The following BRSK1 variants were observed in gnomAD, a reference collection of about 807,000 sequenced individuals.
The protein encoded by BRSK1 is BR serine/threonine kinase 1.
BRSK1 carries 17 observed loss-of-function variants against 86.2 expected under a neutral mutation model. That is an observed-to-expected ratio of 0.20 (90% confidence interval 0.14 to 0.30). The LOEUF (loss-of-function observed/expected upper bound fraction) is 0.30, where lower values mean the gene tolerates loss of function less well. Among genes scored for constraint, BRSK1 ranks in the 10% least tolerant of loss-of-function variants. BRSK1 has a pLI of 1.00. For missense variants in BRSK1, 719 were observed against 1,071.9 expected, an observed-to-expected ratio of 0.67 and a Z score of 4.60; for synonymous variants, 464 against 440.1, an observed-to-expected ratio of 1.05 and a Z score of -0.68.
At chr19:55,296,726 T>C (rs2088493674) in intron 7 of BRSK1, among the ~76,000 whole-genome samples, 1 of 152,076 alleles carries the variant, frequency 6.6e-6, no homozygotes, top group South Asian at 2.1e-4. Context: ...CGGGCGCCTG[T>C]AGTCCCAGCT....
Position 55,310,528 on chromosome 19 carries a change from GC to G in BRSK1, c.2180-1381del, listed in dbSNP as rs1007553966. ...TTGCATGTGGACATCTTTGGAGGGG[GC>G]CGTTATTCAGCCTAGCCCAACCCCC... On this transcript the variant is annotated intron_variant, in intron 18 of 18. Coordinates refer to ENST00000309383, the MANE Select transcript of BRSK1 (RefSeq NM_032430.2). This position sits in a 1 kb window ranked among gnomAD's most constrained non-coding sequence, Gnocchi z 5.0. 1.5e-4 allele frequency among the ~76,000 whole-genome samples: 23 copies of G among 152,246 alleles called. No individual in the cohort carries two copies. Among genetic ancestry groups the G allele is most frequent in the African/African-American group, 5.1e-4 (21 of 41,520 alleles).
rs1289155610 is a variant in BRSK1, at chr19:55,284,369, C to A, written c.-74C>A. ...GGGCCGGGACGGAGCGGTCGCCGGC[C>A]CCCACCGGAGAGACGGGGCGACGGC... On this transcript the variant is annotated 5_prime_UTR_variant, in exon 1 of 19. Transcript: ENST00000309383. The A allele has an allele frequency of 1.1e-6, 1 of 949,074 alleles. No individual in the cohort carries two copies. The highest frequency in any genetic ancestry group is 1.4e-6 in the Non-Finnish European group (1 of 735,556). The allele number at this position is 949,074 out of a possible 1,614,324, so 58.8% of individuals were successfully genotyped here. A position where few individuals can be genotyped will look rare whatever the true frequency, so the allele number is the denominator to read the frequency against.
In BRSK1 at chr19:55,302,499, G is replaced by C. The variant is rs573743119; in HGVS notation, c.858-198G>C. On this transcript the variant is annotated intron_variant, in intron 9 of 18. Coordinates refer to ENST00000309383, the MANE Select transcript of BRSK1 (RefSeq NM_032430.2). This position sits in a 1 kb window ranked among gnomAD's most constrained non-coding sequence, Gnocchi z 6.3. ...GGCCGGGGGCCTGGACCCCTCGGTC[G>C]GAGGGAAAAGGGGCTGGAGGTCTGG... is the stretch of plus-strand genomic sequence containing the variant. The C allele has an allele frequency of 5.8e-4, 406 of 699,192 alleles. 5 individuals are homozygous for C. The South Asian group carries it at 7.4e-3, about 13-fold the overall frequency. The allele number at this position is 699,192 out of a possible 1,614,324, so 43.3% of individuals were successfully genotyped here. A position where few individuals can be genotyped will look rare whatever the true frequency, so the allele number is the denominator to read the frequency against.
Position 55,302,930 on chromosome 19 carries a change from G to A in BRSK1, c.1028+63G>A, listed in dbSNP as rs2088593660. On this transcript the variant is annotated intron_variant, in intron 10 of 18. Transcript: ENST00000309383. This position sits in a 1 kb window ranked among gnomAD's most constrained non-coding sequence, Gnocchi z 6.3. ...GGGGCGAGCTGCAGCAGCTCCCTGC[G>A]CACATGCAGAGTGCTGGGCGAGGAA... 1.7e-5 allele frequency: 26 copies of A among 1,565,714 alleles called. No homozygotes were observed. The highest frequency in any genetic ancestry group is 1.4e-4 in the South Asian group (12 of 86,116).
intron 7 of BRSK1, among the ~76,000 whole-genome samples, chr19:55,298,209 CTTTTTTTTTTTTTTTT>C (rs71181751): frequency 1.4e-5 from 1 of 69,622 alleles, no homozygotes; most frequent in Non-Finnish European, 2.6e-5. Flanking sequence ...TTTGTTTCTT[CTTTTTTTTTTTTTTTT>C]TTTTTTTTTT....
chr19:55,306,312 A>G lies in BRSK1; in HGVS notation c.1951A>G (p.Ser651Gly). 6.2e-7 allele frequency: 1 copy of G among 1,614,180 alleles called. No homozygotes were observed. Among genetic ancestry groups the G allele is most frequent in the Non-Finnish European group, 8.5e-7 (1 of 1,180,042 alleles). ...CAGCTTCAGGGCCGAGTACAAGGCCAGTGGCGGCCCCTCCGTCTTCCAAAA... is the reference window on the plus strand; with the variant it reads ...CAGCTTCAGGGCCGAGTACAAGGCCGGTGGCGGCCCCTCCGTCTTCCAAAA... ...QTSFRAEYKA[S>G]GGPSVFQKPV... The change falls in exon 17 of 19, where the codon AGT becomes GGT. Residue 651 changes from serine (S) to glycine (G), a missense_variant. Around this residue, in one of 6 missense-constraint regions of BRSK1, gnomAD observed 180 missense variants for 259.4 expected, o/e 0.69. Coordinates refer to ENST00000309383, the MANE Select transcript of BRSK1 (RefSeq NM_032430.2). This position sits in a 1 kb window ranked among gnomAD's most constrained non-coding sequence, Gnocchi z 4.7.
rs2088334221 is a variant in BRSK1 at position 55,287,342 on chromosome 19, C to T, written c.317+43C>T. ...CCCAGCCCTACCCCATCCTCCCTCT[C>T]CAGGTTACCAGGGTGGGACTTCTCC... On this transcript the variant is annotated intron_variant, in intron 3 of 18. Transcript: ENST00000309383. This position sits in a 1 kb window ranked among gnomAD's most constrained non-coding sequence, Gnocchi z 5.3. The T allele has an allele frequency of 6.3e-7, 1 of 1,586,674 alleles. No individual in the cohort carries two copies. Among genetic ancestry groups the T allele is most frequent in the Admixed American group, 1.7e-5 (1 of 59,934 alleles).
At position 55,304,056 on chromosome 19, in the gene BRSK1, T is replaced by C. The variant is rs1191667436; in HGVS notation, c.1293T>C (p.Arg431=). Residue 431 remains arginine (R), a synonymous_variant, in exon 13 of 19, where the codon CGT becomes CGC. Transcript: ENST00000309383. This position sits in a 1 kb window ranked among gnomAD's most constrained non-coding sequence, Gnocchi z 5.2. The part of the protein sequence containing the change: ...LEMAQHSQRS[R]SVSGASTGLS... ...AAATCTATCCTGGAAACAGATCCCG[T>C]AGCGTCAGTGGAGCCTCCACGGGTC... 3 of 1,611,054 alleles carry C rather than the reference T, an allele frequency of 1.9e-6. No individual in the cohort carries two copies. Among genetic ancestry groups the C allele is most frequent in the Admixed American group, 1.7e-5 (1 of 59,498 alleles).
chr19:55,297,100 G>T lies in BRSK1; in HGVS notation c.678+2703G>T, dbSNP rs116754871. On this transcript the variant is annotated intron_variant, in intron 7 of 18. Coordinates refer to ENST00000309383, the MANE Select transcript of BRSK1 (RefSeq NM_032430.2). Reference sequence around the variant, plus strand: ...GTTTGTGTGTGTTTGTTTTTGAGACGGATTCTTGCTCTGTCACACATGATG... The same window carrying T: ...GTTTGTGTGTGTTTGTTTTTGAGACTGATTCTTGCTCTGTCACACATGATG... 3.5e-3 allele frequency among the ~76,000 whole-genome samples: 530 copies of T among 152,204 alleles called. 4 individuals carry two copies. Among genetic ancestry groups the T allele is most frequent in the African/African-American group, 0.011 (456 of 41,546 alleles).
At position 55,312,022 on chromosome 19, in the gene BRSK1, C is replaced by T. The variant is rs201200452; in HGVS notation, c.2291C>T (p.Pro764Leu). Residue 764 changes from proline to leucine, a missense_variant, in exon 19 of 19, where the codon CCC becomes CTC. Physicochemically the swap from Pro to Leu is moderately conservative, Grantham distance 98. Coordinates refer to ENST00000309383, the MANE Select transcript of BRSK1 (RefSeq NM_032430.2). ...AGCAGCTCTCCCCGCCGAGGCCCCC[C>T]CAAGGACAAGAAGCTCCTGGCCACC... ...ELSSSPRRGPPKDKKLLATNG... is the reference protein window; with the variant it reads ...ELSSSPRRGPLKDKKLLATNG... 3.2e-4 allele frequency: 483 copies of T among 1,509,972 alleles called. 2 individuals are homozygous for T. The African/African-American group carries it at 6.1e-3, about 19-fold the overall frequency. The allele number at this position is 1,509,972 out of a possible 1,614,324, so 93.5% of individuals were successfully genotyped here.
Position 55,302,200 on chromosome 19 carries a change from C to CT in BRSK1, c.857+33dup. 6.2e-7 allele frequency: 1 copy of CT among 1,613,384 alleles called. No homozygotes were observed. Among genetic ancestry groups the CT allele is most frequent in the Non-Finnish European group, 8.5e-7 (1 of 1,179,492 alleles). On this transcript the variant is annotated intron_variant, in intron 9 of 18. Transcript: ENST00000309383. This position sits in a 1 kb window ranked among gnomAD's most constrained non-coding sequence, Gnocchi z 6.3. ...ATGGGGTAACTGGACTCTTGGGTCC[C>CT]TGGCGGAAATAGGGGAGGGGCCAAA...
Position 55,306,041 on chromosome 19 carries a change from G to A in BRSK1, c.1891-211G>A, listed in dbSNP as rs1410562659. Among the ~76,000 whole-genome samples, 5 of 152,202 alleles carry A rather than the reference G, an allele frequency of 3.3e-5. No individual in the cohort carries two copies. Among genetic ancestry groups the A allele is most frequent in the African/African-American group, 9.7e-5 (4 of 41,448 alleles). On this transcript the variant is annotated intron_variant, in intron 16 of 18. Coordinates refer to ENST00000309383, the MANE Select transcript of BRSK1 (RefSeq NM_032430.2). This position sits in a 1 kb window ranked among gnomAD's most constrained non-coding sequence, Gnocchi z 4.7. ...ACCTAGCTATCAGAGTCCTCATGAT[G>A]TTAGGGGGATGTCCAACCATTCCTC...
At chr19:55,293,527 A>T (rs2088439858) in intron 4 of BRSK1, among the ~76,000 whole-genome samples, 1 of 150,548 alleles carries the variant, frequency 6.6e-6, no homozygotes, top group Non-Finnish European at 1.5e-5. Flanking sequence ...AAATAAATAA[A>T]TAAGGCTGGG....
At chr19:55,290,501 C>A (rs576080350) in intron 4 of BRSK1, among the ~76,000 whole-genome samples, 4 of 152,108 alleles carry the variant, frequency 2.6e-5, no homozygotes, top group Non-Finnish European at 5.9e-5. Flanking sequence ...GCAAGTCTTT[C>A]ATCAGTATAC....
At position 55,304,783 on chromosome 19, in the gene BRSK1, G is replaced by A; in HGVS notation, c.1580G>A (p.Ser527Asn). The change falls in exon 14 of 19, where the codon AGT becomes AAT. Residue 527 changes from serine (S) to asparagine (N), a missense_variant. Ser to Asn is a conservative substitution (Grantham distance 46). Transcript: ENST00000309383. The surrounding 1 kb of genome is among the most constrained non-coding windows in gnomAD (Gnocchi z 5.2). The part of the protein sequence containing the change: ...LHSPLHTPRA[S>N]PTGTPGTTPP... The stretch of plus-strand genomic sequence containing the variant: ...TCGCCTCTGCACACGCCCCGGGCCA[G>A]TCCCACCGGGACCCCGGGGACAACA... The A allele has an allele frequency of 1.3e-6, 2 of 1,560,516 alleles. No homozygotes were observed. The highest frequency in any genetic ancestry group is 1.7e-6 in the Non-Finnish European group (2 of 1,157,432).
In BRSK1 at chr19:55,308,648, G is replaced by A. The variant is rs776225509; in HGVS notation, c.2099G>A (p.Arg700His). Reference protein sequence around the residue: ...VTFTLISGPSRRFKRVVETIQ... With the variant: ...VTFTLISGPSHRFKRVVETIQ... ...CCGCCTGTGCCTCTAGGTCCCAGCC[G>A]TCGGTTCAAGCGAGTGGTGGAGACC... Residue 700 changes from arginine to histidine, a missense_variant, in exon 18 of 19, where the codon CGT becomes CAT. Physicochemically the swap from Arg to His is conservative, Grantham distance 29. Around this residue, in one of 6 missense-constraint regions of BRSK1, gnomAD observed 180 missense variants for 259.4 expected, o/e 0.69. Coordinates refer to ENST00000309383, the MANE Select transcript of BRSK1 (RefSeq NM_032430.2). The A allele has an allele frequency of 3.1e-6, 5 of 1,609,074 alleles. No individual in the cohort carries two copies. The highest frequency in any genetic ancestry group is 2.2e-5 in the South Asian group (2 of 90,966).
chr19:55,300,501 A>G (rs1334345510), intron 7 of BRSK1, among the ~76,000 whole-genome samples: 5 of 152,064 alleles, frequency 3.3e-5, no homozygotes, highest in African/African-American at 1.2e-4. Flanking sequence ...TCAGGACTTC[A>G]AGACCAGCCT....
rs529728398 is a variant in BRSK1 at position 55,294,650 on chromosome 19, C to T, written c.678+253C>T. On this transcript the variant is annotated intron_variant, in intron 7 of 18. Coordinates refer to ENST00000309383, the MANE Select transcript of BRSK1 (RefSeq NM_032430.2). The surrounding 1 kb of genome is among the most constrained non-coding windows in gnomAD (Gnocchi z 4.9). ...CCAAGTAGCTGGGATTGCAGGCGCC[C>T]ACCACCACTTCCAGATAATTTTTGA... Among the ~76,000 whole-genome samples the T allele has an allele frequency of 6.6e-6, 1 of 150,686 alleles. No individual in the cohort carries two copies. Among genetic ancestry groups the T allele is most frequent in the Non-Finnish European group, 1.5e-5 (1 of 67,706 alleles).
At chr19:55,297,480 G>T (rs1026798560) in intron 7 of BRSK1, among the ~76,000 whole-genome samples, 1 of 152,198 alleles carries the variant, frequency 6.6e-6, no homozygotes, top group East Asian at 1.9e-4. Flanking sequence ...CTGATAAGCC[G>T]CAGGCCTGGG....
Sources: gnomAD v4.1 joint callset for allele counts (sites outside exome capture counted in the v4.1 genomes callset) on GRCh38, gnomAD v4.1.1 for gene constraint, gnomAD v4.1.1 regional missense constraint, Gnocchi (gnomAD v3.1) non-coding constraint, MANE v1.5 for transcripts, NCBI Gene and HGNC (gene_info 2026-07-23, HGNC 2026-07-21) for gene names.